DPP10: variants seen among roughly 807,000 people sequenced by gnomAD.
The protein encoded by DPP10 is inactive dipeptidyl peptidase 10.
In DPP10, 33 loss-of-function variants were observed where a neutral mutation model predicts 120.9. The observed-to-expected ratio is 0.27, with a 90% CI of 0.21 to 0.37. DPP10 has a LOEUF of 0.37. DPP10 is among the 10% of genes least tolerant of loss of function. The pLI is 1.00. For synonymous variants in DPP10, 337 were observed against 326.1 expected (o/e 1.03, Z -0.36); for missense variants, 816 against 942.8 (o/e 0.87, Z 1.76).
At chr2:115,224,510 C>G (rs1285700909) in intron 1 of DPP10, among the ~76,000 whole-genome samples, 2 of 151,966 alleles carry the variant, frequency 1.3e-5, no homozygotes, top group Non-Finnish European at 2.9e-5. Context: ...TGGTGGATAC[C>G]TGGAGCTGGA....
intron 1 of DPP10, among the ~76,000 whole-genome samples, chr2:114,560,580 G>T (rs1688690188): frequency 6.6e-6 from 1 of 152,136 alleles, no homozygotes; most frequent in East Asian, 1.9e-4. Flanking sequence ...GGTGAGGAGA[G>T]AGTGGGGCCC....
At chr2:115,712,277 A>G (rs187005195) in intron 7 of DPP10, among the ~76,000 whole-genome samples, 9 of 150,266 alleles carry the variant, frequency 6.0e-5, no homozygotes, top group African/African-American at 7.3e-5. Flanking sequence ...ATGGTTCACA[A>G]TAAGGTTCAC....
chr2:114,602,277 A>T (rs1203112103), intron 1 of DPP10, among the ~76,000 whole-genome samples: 1 of 151,866 alleles, frequency 6.6e-6, no homozygotes. Context: ...TTAGAGGTAG[A>T]GAGGGCTCAA....
chr2:114,465,499 T>G (rs1161752374), intron 1 of DPP10, among the ~76,000 whole-genome samples: 3 of 152,208 alleles, frequency 2.0e-5, no homozygotes, highest in Admixed American at 2.0e-4. Context: ...CAATGGCTGC[T>G]GCAGCACTTC....
intron 8 of DPP10, 56 bp from the exon 9 acceptor site, chr2:115,739,683 G>A: frequency 6.4e-7 from 1 of 1,556,154 alleles, no homozygotes; most frequent in Non-Finnish European, 8.8e-7. Flanking sequence ...AGATGTTTGT[G>A]GGTCACTGAG....
At chr2:115,089,134 T>C (rs1016692565) in intron 1 of DPP10, among the ~76,000 whole-genome samples, 9 of 152,150 alleles carry the variant, frequency 5.9e-5, no homozygotes, top group African/African-American at 1.2e-4. Flanking sequence ...TCCTTTTTTT[T>C]CCTCTTTTAT....
intron 5 of DPP10, among the ~76,000 whole-genome samples, chr2:115,535,098 C>A (rs963353123): frequency 1.3e-5 from 2 of 151,720 alleles, no homozygotes; most frequent in Non-Finnish European, 2.9e-5. Context: ...TTTTGCTGTG[C>A]AGAAGCTCTT....
chr2:114,718,144 A>G (rs1173280950), intron 1 of DPP10, among the ~76,000 whole-genome samples: 1 of 152,024 alleles, frequency 6.6e-6, no homozygotes, highest in Non-Finnish European at 1.5e-5. Context: ...TGGTTTTCAA[A>G]TATTACATCT....
intron 1 of DPP10, among the ~76,000 whole-genome samples, chr2:115,125,269 A>T (rs562962315): frequency 6.6e-6 from 1 of 152,222 alleles, no homozygotes; most frequent in Non-Finnish European, 1.5e-5. Context: ...TGTAAAAATC[A>T]TCTCTGAGTA....
At chr2:114,884,199 C>G (rs1166982766) in intron 1 of DPP10, among the ~76,000 whole-genome samples, 1 of 152,114 alleles carries the variant, frequency 6.6e-6, no homozygotes, top group Non-Finnish European at 1.5e-5. Flanking sequence ...GAAAAAGGGC[C>G]TCTACTGTTT....
intron 5 of DPP10, among the ~76,000 whole-genome samples, chr2:115,572,015 A>C (rs1264665316): frequency 6.6e-6 from 1 of 152,178 alleles, no homozygotes; most frequent in Non-Finnish European, 1.5e-5. Flanking sequence ...TATTGTCTGA[A>C]CAAATCAAAG....
intron 1 of DPP10, among the ~76,000 whole-genome samples, chr2:114,491,935 T>C (rs1424641378): frequency 6.6e-6 from 1 of 152,182 alleles, no homozygotes; most frequent in Non-Finnish European, 1.5e-5. Flanking sequence ...AAAACAGTTG[T>C]CAAACCTCAA....
chr2:114,674,469 TG>T (rs1411136405), intron 1 of DPP10, among the ~76,000 whole-genome samples: 3 of 152,140 alleles, frequency 2.0e-5, no homozygotes, highest in African/African-American at 7.2e-5. Context: ...TACCAGAAAT[TG>T]AATTCTCAAA....
intron 1 of DPP10, among the ~76,000 whole-genome samples, chr2:114,958,322 T>C (rs1464757381): frequency 6.6e-6 from 1 of 152,130 alleles, no homozygotes; most frequent in Non-Finnish European, 1.5e-5. Context: ...TTTTCAATCT[T>C]GTCTACCTAT....
intron 1 of DPP10, among the ~76,000 whole-genome samples, chr2:114,909,693 G>A (rs1272061035): frequency 2.0e-5 from 3 of 151,984 alleles, no homozygotes; most frequent in East Asian, 1.9e-4. Flanking sequence ...AGATTTTTGT[G>A]CCTTAGAAAA....
intron 7 of DPP10, among the ~76,000 whole-genome samples, chr2:115,698,714 C>A (rs1575553482): frequency 6.6e-6 from 1 of 152,184 alleles, no homozygotes; most frequent in East Asian, 1.9e-4. Context: ...CATGTTGGAA[C>A]CCTGATCTTG....
chr2:115,188,104 G>T (rs1014862944), intron 1 of DPP10, among the ~76,000 whole-genome samples: 1 of 151,770 alleles, frequency 6.6e-6, no homozygotes, highest in East Asian at 1.9e-4. Context: ...GGAGAGAAGA[G>T]AAATCTCAGG....
At chr2:115,832,745 C>T (rs1309340333) in intron 21 of DPP10, among the ~76,000 whole-genome samples, 1 of 151,882 alleles carries the variant, frequency 6.6e-6, no homozygotes, top group Non-Finnish European at 1.5e-5. Context: ...TGGGGAGATC[C>T]ATCAGGTGCC....
intron 1 of DPP10, among the ~76,000 whole-genome samples, chr2:114,936,029 GTGT>G (rs1439711269): frequency 6.6e-6 from 1 of 151,874 alleles, no homozygotes; most frequent in Non-Finnish European, 1.5e-5. Flanking sequence ...GGAACAGGTA[GTGT>G]TTGGTTACAT....
Sources: allele counts gnomAD v4.1 joint callset (sites outside exome capture counted in the v4.1 genomes callset), GRCh38; gene constraint gnomAD v4.1.1; transcripts MANE v1.5; gene names NCBI Gene and HGNC (gene_info 2026-07-23, HGNC 2026-07-21).